The following USPL1 variants were observed in gnomAD, a reference collection of about 807,000 sequenced individuals.
USPL1 encodes the protein ubiquitin specific peptidase like 1.
A neutral mutation model predicts 51.5 loss-of-function variants in USPL1; 27 were observed. The ratio of observed to expected loss-of-function variants is 0.52; its 90% CI spans 0.39 to 0.72. The LOEUF (loss-of-function observed/expected upper bound fraction) is 0.72, where lower values mean the gene tolerates loss of function less well. Among genes scored for constraint, USPL1 ranks in the 30% least tolerant of loss-of-function variants. The pLI, the probability that USPL1 is intolerant of heterozygous loss-of-function variation, is 0.00. For synonymous variants in USPL1, 451 were observed against 459.6 expected (o/e 0.98, Z 0.24); for missense variants, 1,226 against 1,268.0 (o/e 0.97, Z 0.50).
rs1006100133 is a variant in USPL1 at position 30,659,194 on chromosome 13, A to G, written c.3117A>G (p.Pro1039=). ...PTKKNPCEVQ[P]DSLTNNACVR... is the part of the protein sequence containing the mutation. ...AGAAAAATCCATGTGAAGTTCAGCCAGACTCTCTGACAAATAATGCCTGCG... is the reference window on the plus strand; with the variant it reads ...AGAAAAATCCATGTGAAGTTCAGCCGGACTCTCTGACAAATAATGCCTGCG... The change falls in exon 9 of 9, where the codon CCA becomes CCG. Residue 1039 remains proline, a synonymous_variant. Transcript: ENST00000255304. 3 of 1,614,182 alleles carry G rather than the reference A, an allele frequency of 1.9e-6. No homozygotes were observed. Among genetic ancestry groups the G allele is most frequent in the Non-Finnish European group, 2.5e-6 (3 of 1,180,028 alleles).
At chr13:30,618,956 G>A (rs980820590) in intron 1 of USPL1, among the ~76,000 whole-genome samples, 7 of 152,196 alleles carry the variant, frequency 4.6e-5, no homozygotes, top group African/African-American at 1.7e-4. Context: ...CAGTGATATG[G>A]AAGGGAAAGA....
At chr13:30,656,371 C>G (rs1951163935) in intron 8 of USPL1, among the ~76,000 whole-genome samples, 1 of 152,196 alleles carries the variant, frequency 6.6e-6, no homozygotes, top group African/African-American at 2.4e-5. Context: ...CCGCATCCTT[C>G]CACCCCAAAG....
chr13:30,619,265 A>T (rs925456569), intron 1 of USPL1, among the ~76,000 whole-genome samples: 2 of 152,080 alleles, frequency 1.3e-5, no homozygotes. Context: ...TATTTTTTTT[A>T]TGTCCCTCAT....
At position 30,658,298 on chromosome 13, in the gene USPL1, T is replaced by A; in HGVS notation, c.2221T>A (p.Ser741Thr). 1.2e-6 allele frequency: 2 copies of A among 1,613,974 alleles called. No homozygotes were observed. The highest frequency in any genetic ancestry group is 1.7e-6 in the Non-Finnish European group (2 of 1,180,022). ...TADSQTTTSK[S>T]LQNQSLKENQ... ...AGATTCTCAAACCACAACATCTAAG[T>A]CATTACAGAATCAGTCTCTGAAAGA... is the stretch of plus-strand genomic sequence containing the variant. The change falls in exon 9 of 9, where the codon TCA becomes ACA. Residue 741 changes from serine to threonine, a missense_variant. Coordinates refer to ENST00000255304, the MANE Select transcript of USPL1 (RefSeq NM_005800.5).
intron 7 of USPL1, among the ~76,000 whole-genome samples, chr13:30,650,980 C>A (rs528428119): frequency 6.7e-6 from 1 of 150,156 alleles, no homozygotes; most frequent in East Asian, 1.9e-4. Context: ...CAGAGTGAGA[C>A]GCCATCTCAA....
At chr13:30,642,448 A>G (rs935145588) in intron 5 of USPL1, among the ~76,000 whole-genome samples, 180 bp from the exon 6 acceptor site, 6 of 152,190 alleles carry the variant, frequency 3.9e-5, no homozygotes, top group Middle Eastern at 3.2e-3. Flanking sequence ...TAGGATGGAC[A>G]TTTTTAGAAA....
At chr13:30,625,442 TTG>T (rs1339379377) in intron 3 of USPL1, among the ~76,000 whole-genome samples, 11 of 149,404 alleles carry the variant, frequency 7.4e-5, no homozygotes, top group African/African-American at 2.8e-4. Context: ...TTTTTGTTTT[TTG>T]TTTTTTTTTT....
At chr13:30,629,191 T>A (rs971800445) in intron 3 of USPL1, among the ~76,000 whole-genome samples, 20 of 152,174 alleles carry the variant, frequency 1.3e-4, no homozygotes, top group Non-Finnish European at 2.5e-4. Context: ...CGAATCACCT[T>A]GAAACTTAGT....
At chr13:30,637,465 T>G (rs138543982) in intron 4 of USPL1, among the ~76,000 whole-genome samples, 288 of 152,334 alleles carry the variant, frequency 1.9e-3, no homozygotes, top group African/African-American at 6.7e-3. Flanking sequence ...ACATAGTATC[T>G]GAAAGGTTAG....
chr13:30,654,173 C>G (rs986081665), intron 8 of USPL1, among the ~76,000 whole-genome samples: 2 of 152,170 alleles, frequency 1.3e-5, no homozygotes, highest in Admixed American at 1.3e-4. Flanking sequence ...TCAGGTGCAG[C>G]ATGGTTTCCA....
chr13:30,645,540 A>G (rs918555635), intron 6 of USPL1, among the ~76,000 whole-genome samples: 5 of 152,246 alleles, frequency 3.3e-5, no homozygotes, highest in Admixed American at 2.0e-4. Context: ...TGTTCTAAAA[A>G]TAAAAGTAGT....
rs1476049562 is a variant in USPL1 at position 30,659,381 on chromosome 13, TATA to T, written c.*29_*31del. 2 of 1,486,774 alleles carry T rather than the reference TATA, an allele frequency of 1.3e-6. No homozygotes were observed. The highest frequency in any genetic ancestry group is 4.8e-5 in the East Asian group (2 of 41,394). 92.1% of individuals were successfully genotyped at this position (1,486,774 alleles called of 1,614,324 possible). ...AATTAATGCTTGTTAACTTTTTTCA[TATA>T]ATATTTATTATTATTAGAAGAACTT... On this transcript the variant is annotated 3_prime_UTR_variant, in exon 9 of 9. Coordinates refer to ENST00000255304, the MANE Select transcript of USPL1 (RefSeq NM_005800.5).
chr13:30,632,729 A>G (rs1390686031), intron 4 of USPL1, among the ~76,000 whole-genome samples: 1 of 151,966 alleles, frequency 6.6e-6, no homozygotes, highest in East Asian at 1.9e-4. Flanking sequence ...TCTTTTTCAA[A>G]ACTCTAAGAC....
chr13:30,655,423 C>T (rs2137721387), intron 8 of USPL1, among the ~76,000 whole-genome samples: 1 of 152,286 alleles, frequency 6.6e-6, no homozygotes, highest in Non-Finnish European at 1.5e-5. Flanking sequence ...AGGTCTCTTT[C>T]TCCTTTCTTA....
chr13:30,626,801 T>G (rs1950722899), intron 3 of USPL1, among the ~76,000 whole-genome samples: 1 of 152,106 alleles, frequency 6.6e-6, no homozygotes, highest in African/African-American at 2.4e-5. Context: ...ACTTTTTTTT[T>G]TTCGTGGAGT....
intron 6 of USPL1, among the ~76,000 whole-genome samples, chr13:30,644,769 A>G (rs1566056031): frequency 6.6e-6 from 1 of 152,214 alleles, no homozygotes; most frequent in Non-Finnish European, 1.5e-5. Context: ...TTTTACTCTG[A>G]TGTAAAAATT....
intron 5 of USPL1, among the ~76,000 whole-genome samples, chr13:30,642,346 A>G (rs546143031): frequency 7.9e-5 from 12 of 152,212 alleles, no homozygotes; most frequent in Admixed American, 6.5e-4. Context: ...GATGGAAGAC[A>G]GTATGGGTCT....
intron 3 of USPL1, among the ~76,000 whole-genome samples, chr13:30,624,046 C>A (rs1482672410): frequency 6.6e-6 from 1 of 152,172 alleles, no homozygotes; most frequent in African/African-American, 2.4e-5. Flanking sequence ...TGTAGCCAGT[C>A]AGTCAGATGT....
intron 5 of USPL1, among the ~76,000 whole-genome samples, chr13:30,639,568 CT>C (rs958923449): frequency 1.3e-5 from 2 of 151,890 alleles, no homozygotes; most frequent in African/African-American, 4.8e-5. Context: ...AATGAATATT[CT>C]TTTTTCTTTA....
Sources: gnomAD v4.1 joint callset for allele counts (sites outside exome capture counted in the v4.1 genomes callset) on GRCh38, gnomAD v4.1.1 for gene constraint, MANE v1.5 for transcripts, NCBI Gene and HGNC (gene_info 2026-07-23, HGNC 2026-07-21) for gene names.